Variants in PAK3 observed in about 807,000 individuals in gnomAD.
PAK3 encodes serine/threonine-protein kinase PAK 3.
PAK3 carries 4 observed loss-of-function variants against 41.0 expected under a neutral mutation model. That is an observed-to-expected ratio of 0.10 (90% CI 0.05 to 0.22). The LOEUF (loss-of-function observed/expected upper bound fraction) is 0.22, where lower values mean the gene tolerates loss of function less well. Ranked by LOEUF, PAK3 falls within the 10% of genes least tolerant of loss-of-function variation. PAK3 has a pLI of 1.00. For missense variants in PAK3, 205 were observed against 409.9 expected (o/e 0.50, Z 4.32); for synonymous variants, 146 against 139.6 (o/e 1.05, Z -0.32).
intron 1 of PAK3, among the ~76,000 whole-genome samples, chrX:110,998,318 A>G (rs1025080425): frequency 1.3e-4 from 15 of 112,073 alleles, no homozygotes; most frequent in African/African-American, 4.5e-4. Context: ...AAGAAAACCA[A>G]TAGAATGTGG....
chrX:110,987,250 G>A (rs895636080), intron 1 of PAK3, among the ~76,000 whole-genome samples: 4 of 112,436 alleles, frequency 3.6e-5, no homozygotes, highest in Non-Finnish European at 7.5e-5. Flanking sequence ...CTTACAAATT[G>A]CATGGCAAAA....
intron 8 of PAK3, among the ~76,000 whole-genome samples, chrX:111,160,617 T>TG (rs2094164291): frequency 1.9e-5 from 2 of 104,955 alleles, no homozygotes; most frequent in Non-Finnish European, 2.0e-5. Flanking sequence ...CCCTCCCCGC[T>TG]CCCCCCACCC....
At chrX:111,145,997 A>G (rs1057409824) in intron 6 of PAK3, among the ~76,000 whole-genome samples, 7 of 112,001 alleles carry the variant, frequency 6.2e-5, no homozygotes, top group Non-Finnish European at 1.3e-4. Flanking sequence ...AATGAGAATA[A>G]AATTCAATGT....
rs1255498012 is a variant in PAK3 at position 111,224,796 on chromosome X, T to C, written c.*4349T>C. On this transcript the variant is annotated 3_prime_UTR_variant, in exon 18 of 18. Coordinates refer to ENST00000372007, the MANE Select transcript of PAK3 (RefSeq NM_002578.5). The stretch of plus-strand genomic sequence containing the variant: ...AATGAGGTAGTCACCTCAGATATGC[T>C]GCTTAGTTTCACTAAAAGCAGACCC... The C allele has an allele frequency of 8.9e-6, 1 of 112,581 alleles. No homozygotes were observed. Among genetic ancestry groups the C allele is most frequent in the Non-Finnish European group, 1.9e-5 (1 of 53,318 alleles). 9.3% of individuals were successfully genotyped at this position (112,581 alleles called of 1,213,427 possible).
intron 10 of PAK3, among the ~76,000 whole-genome samples, chrX:111,168,733 G>A (rs184974411): frequency 9.0e-6 from 1 of 111,491 alleles, no homozygotes; most frequent in East Asian, 2.8e-4. Flanking sequence ...ATTTGGAATG[G>A]GTCATAATTC....
chrX:111,016,127 A>G (rs2092086263), intron 1 of PAK3, among the ~76,000 whole-genome samples: 2 of 112,616 alleles, frequency 1.8e-5, no homozygotes, highest in African/African-American at 6.4e-5. Flanking sequence ...GTGCTCACGA[A>G]TATGTACCAA....
chrX:110,973,005 G>A (rs1405115556), intron 1 of PAK3, among the ~76,000 whole-genome samples: 1 of 111,357 alleles, frequency 9.0e-6, no homozygotes, highest in Non-Finnish European at 1.9e-5. Context: ...AAGAAGAAAA[G>A]GTTAGAGAAA....
rs774424065 is a variant in PAK3 at position 111,111,648 on chromosome X, C to A, written c.-28+8342C>A. Among the ~76,000 whole-genome samples, 25 of 112,023 alleles carry A rather than the reference C, an allele frequency of 2.2e-4. No homozygotes were observed. In the South Asian group the frequency reaches 2.2e-3, roughly 10 times the overall value. Reference sequence around the variant, plus strand: ...ATATTTGTTATCAGCACACTAACTTCATTAGTTATTTTTCATCTCCATTCT... The same window carrying A: ...ATATTTGTTATCAGCACACTAACTTAATTAGTTATTTTTCATCTCCATTCT... On this transcript the variant is annotated intron_variant, in intron 4 of 17. Transcript: ENST00000372007.
chrX:111,008,614 G>T (rs2091967822), intron 1 of PAK3, among the ~76,000 whole-genome samples: 1 of 112,509 alleles, frequency 8.9e-6, no homozygotes, highest in South Asian at 3.7e-4. Flanking sequence ...CTGGGTTCAA[G>T]TTTTAGCATG....
chrX:111,059,379 C>T (rs1569292881), intron 1 of PAK3, among the ~76,000 whole-genome samples: 1 of 110,552 alleles, frequency 9.0e-6, no homozygotes, highest in Non-Finnish European at 1.9e-5. Context: ...ACAATGTTGT[C>T]CTGGCTGGTC....
intron 16 of PAK3, among the ~76,000 whole-genome samples, chrX:111,203,022 T>A (rs1349902933): frequency 9.0e-6 from 1 of 111,468 alleles, no homozygotes; most frequent in Non-Finnish European, 1.9e-5. Flanking sequence ...ATCTCCTTGG[T>A]TGCACATTGG....
intron 1 of PAK3, among the ~76,000 whole-genome samples, chrX:111,016,963 A>T (rs141684636): frequency 2.6e-3 from 288 of 111,851 alleles, no homozygotes; most frequent in African/African-American, 9.0e-3. Context: ...AAAACTCAAC[A>T]AAGATAGTAG....
At chrX:111,148,806 G>T (rs1179867637) in intron 7 of PAK3, among the ~76,000 whole-genome samples, 1 of 110,595 alleles carries the variant, frequency 9.0e-6, no homozygotes, top group Non-Finnish European at 1.9e-5. Context: ...TTGATATTTG[G>T]GTGGGGACAC....
chrX:111,117,451 G>T (rs929691254), intron 4 of PAK3, among the ~76,000 whole-genome samples: 2 of 111,320 alleles, frequency 1.8e-5, no homozygotes, highest in Admixed American at 1.9e-4. Flanking sequence ...TTTCTTCTTC[G>T]CAATGTTGAT....
chrX:111,207,606 G>A (rs1698561460), intron 16 of PAK3, among the ~76,000 whole-genome samples: 1 of 111,495 alleles, frequency 9.0e-6, no homozygotes, highest in Non-Finnish European at 1.9e-5. Context: ...GCTTCAGGCA[G>A]GTCCTTCAGG....
intron 1 of PAK3, among the ~76,000 whole-genome samples, chrX:110,995,007 ATTACTGATTGTATT>A (rs2091716747): frequency 1.8e-5 from 2 of 112,038 alleles, no homozygotes; most frequent in Non-Finnish European, 1.9e-5. Context: ...AATTATGGCA[ATTACTGATTGTATT>A]CATATCTTCC....
Position 111,038,504 on chromosome X carries a change from G to T in PAK3, c.-27-84573G>T, listed in dbSNP as rs1179970117. Among the ~76,000 whole-genome samples the T allele has an allele frequency of 1.3e-4, 14 of 111,788 alleles. No individual in the cohort carries two copies. In the Admixed American group the frequency reaches 1.3e-3, roughly 11 times the overall value. ...TGAGGTTAAGTATAATGAGGTGTAT[G>T]GGACTCCAGGAAGAGTAGGTACTAA... On this transcript the variant is annotated intron_variant, in intron 1 of 14. Transcript: ENST00000425146.
At chrX:111,002,894 T>C (rs2091870318) in intron 1 of PAK3, among the ~76,000 whole-genome samples, 1 of 111,567 alleles carries the variant, frequency 9.0e-6, no homozygotes, top group African/African-American at 3.3e-5. Flanking sequence ...TCTGGAGCAG[T>C]GGTTCTCAGT....
intron 8 of PAK3, 87 bp from the exon 9 acceptor site, chrX:111,162,828 T>G (rs2094207441): frequency 1.1e-6 from 1 of 894,870 alleles, no homozygotes; most frequent in African/African-American, 2.0e-5. Flanking sequence ...CCCTACATGC[T>G]TAAATATTTC....
Sources: allele counts gnomAD v4.1 joint callset (sites outside exome capture counted in the v4.1 genomes callset), GRCh38; gene constraint gnomAD v4.1.1; transcripts MANE v1.5; gene names NCBI Gene and HGNC (gene_info 2026-07-23, HGNC 2026-07-21).